Variants in JAZF1 observed in about 807,000 individuals in gnomAD.
JAZF1 encodes the protein juxtaposed with another zinc finger protein 1.
JAZF1 carries 8 observed loss-of-function variants against 26.4 expected under a neutral mutation model. The ratio of observed to expected loss-of-function variants is 0.30; its 90% confidence interval spans 0.18 to 0.55. The LOEUF is 0.55. Ranked by LOEUF, JAZF1 falls within the 20% of genes least tolerant of loss-of-function variation. The pLI is 0.94. For synonymous variants in JAZF1, 126 were observed against 122.3 expected (o/e 1.03, Z -0.20); for missense variants, 199 against 322.0 (o/e 0.62, Z 2.92).
intron 2 of JAZF1, among the ~76,000 whole-genome samples, chr7:27,902,104 G>A (rs780075058): frequency 3.3e-5 from 5 of 152,144 alleles, no homozygotes. Context: ...GCTACTTACA[G>A]ATTTTATTGT....
At chr7:28,123,344 C>A (rs1034530237) in intron 1 of JAZF1, among the ~76,000 whole-genome samples, 2 of 152,200 alleles carry the variant, frequency 1.3e-5, no homozygotes, top group African/African-American at 4.8e-5. Flanking sequence ...ACATTATTCA[C>A]CCTCACAGCA....
chr7:28,066,901 TA>T (rs1451933435), intron 1 of JAZF1, among the ~76,000 whole-genome samples: 1 of 152,164 alleles, frequency 6.6e-6, no homozygotes, highest in Non-Finnish European at 1.5e-5. Context: ...AAAAAAACCC[TA>T]CAAATGCATC....
intron 3 of JAZF1, among the ~76,000 whole-genome samples, chr7:27,870,287 C>T (rs1035115590): frequency 3.3e-5 from 5 of 151,882 alleles, no homozygotes; most frequent in African/African-American, 9.7e-5. Context: ...AGGTACTGGT[C>T]CTGCTGTGCC....
At chr7:28,094,407 T>C (rs934448266) in intron 1 of JAZF1, among the ~76,000 whole-genome samples, 27 of 152,282 alleles carry the variant, frequency 1.8e-4, no homozygotes, top group African/African-American at 6.3e-4. Flanking sequence ...CAGTCTCCTT[T>C]CCAGCCCCGG....
At chr7:28,049,372 C>T (rs1199811247) in intron 1 of JAZF1, among the ~76,000 whole-genome samples, 3 of 152,038 alleles carry the variant, frequency 2.0e-5, no homozygotes, top group South Asian at 4.2e-4. Context: ...GCGTGAGCCA[C>T]CGCGCCCGGC....
At chr7:27,903,476 T>C (rs1337989122) in intron 2 of JAZF1, among the ~76,000 whole-genome samples, 1 of 152,240 alleles carries the variant, frequency 6.6e-6, no homozygotes, top group East Asian at 1.9e-4. Flanking sequence ...ATTACAGGCG[T>C]GAGCCACTGT....
At chr7:28,028,234 G>T (rs1783125680) in intron 1 of JAZF1, among the ~76,000 whole-genome samples, 1 of 152,130 alleles carries the variant, frequency 6.6e-6, no homozygotes, top group Non-Finnish European at 1.5e-5. Context: ...GTATTTCATT[G>T]CTTGTTGCCA....
intron 2 of JAZF1, among the ~76,000 whole-genome samples, chr7:27,920,626 G>A (rs1451975102): frequency 6.6e-6 from 1 of 152,196 alleles, no homozygotes; most frequent in African/African-American, 2.4e-5. Flanking sequence ...GGGAGCATGT[G>A]AATAAGACCC....
intron 1 of JAZF1, among the ~76,000 whole-genome samples, chr7:28,070,228 T>C (rs1396591798): frequency 6.6e-6 from 1 of 152,204 alleles, no homozygotes; most frequent in East Asian, 1.9e-4. Context: ...AAATTTTTCT[T>C]TCTTCAAGAC....
chr7:28,180,770 G>C lies in JAZF1; in HGVS notation c.-193C>G. The C allele has an allele frequency of 3.0e-6, 1 of 329,836 alleles. No individual in the cohort carries two copies. The highest frequency in any genetic ancestry group is 4.2e-5 in the East Asian group (1 of 23,924). 20.4% of individuals were successfully genotyped at this position (329,836 alleles called of 1,614,324 possible). On this transcript the variant is annotated 5_prime_UTR_variant, in exon 1 of 5. Transcript: ENST00000283928. ...GAAGGAGAGCGAGGAGCCACCGGGA[G>C]GCAGAGGGGAGGCGGCGGCTGCGGC...
rs769073545 is a variant in JAZF1 at position 27,895,416 on chromosome 7, T to A, written c.189A>T (p.Arg63Ser). The A allele has an allele frequency of 6.3e-7, 1 of 1,591,702 alleles. No homozygotes were observed. Residue 63 changes from arginine (R) to serine (S), a missense_variant and splice_region_variant, in exon 3 of 5, where the codon AGA (arginine) becomes AGT (serine). Arg to Ser is a moderately radical substitution (Grantham distance 110). Transcript: ENST00000283928. The stretch of plus-strand genomic sequence containing the variant: ...CTCGGCGGGCAGCATCTGTCATGAA[T>A]CTGAAACAATAATGGAAGGTAAGGA... ...PTYVALSYINRFMTDAARREQ... is the reference protein window; with the variant it reads ...PTYVALSYINSFMTDAARREQ...
At chr7:28,161,122 A>G (rs1272201217) in intron 1 of JAZF1, among the ~76,000 whole-genome samples, 3 of 152,142 alleles carry the variant, frequency 2.0e-5, no homozygotes, top group African/African-American at 7.2e-5. Flanking sequence ...CACCCCATAG[A>G]TGAATTAATT....
intron 1 of JAZF1, among the ~76,000 whole-genome samples, chr7:28,168,859 C>T (rs942477780): frequency 6.6e-6 from 1 of 152,192 alleles, no homozygotes; most frequent in Non-Finnish European, 1.5e-5. Flanking sequence ...ATTAGTGTAA[C>T]CCAATGAGTT....
intron 1 of JAZF1, among the ~76,000 whole-genome samples, chr7:28,147,760 T>C (rs1196862275): frequency 6.7e-6 from 1 of 149,652 alleles, no homozygotes; most frequent in East Asian, 2.0e-4. Flanking sequence ...CACATACCTG[T>C]AGTGTCAGCT....
At chr7:27,948,429 A>G (rs1353551347) in intron 2 of JAZF1, among the ~76,000 whole-genome samples, 3 of 152,222 alleles carry the variant, frequency 2.0e-5, no homozygotes, top group African/African-American at 4.8e-5. Context: ...GAGAGACTGT[A>G]AAGTCCAAAT....
intron 1 of JAZF1, among the ~76,000 whole-genome samples, chr7:28,137,425 T>A (rs1782902157): frequency 6.6e-6 from 1 of 152,188 alleles, no homozygotes; most frequent in African/African-American, 2.4e-5. Flanking sequence ...CTAGTCACCC[T>A]TCACAACCCT....
intron 2 of JAZF1, among the ~76,000 whole-genome samples, chr7:27,927,617 G>A (rs773884504): frequency 1.3e-5 from 2 of 152,206 alleles, no homozygotes; most frequent in Middle Eastern, 3.4e-3. Context: ...TAAACTATAA[G>A]CCTTTGTGGG....
intron 2 of JAZF1, among the ~76,000 whole-genome samples, chr7:27,922,122 T>G (rs572101268): frequency 1.4e-4 from 21 of 152,168 alleles, no homozygotes; most frequent in Non-Finnish European, 2.8e-4. Flanking sequence ...ATATAAATCA[T>G]TACAGAAAGA....
At chr7:28,034,453 T>C (rs551816508) in intron 1 of JAZF1, among the ~76,000 whole-genome samples, 1 of 118,326 alleles carries the variant, frequency 8.5e-6, no homozygotes, top group African/African-American at 3.1e-5. Flanking sequence ...ATAATAAAAA[T>C]ATGAAAGAAA....
Sources: allele counts gnomAD v4.1 joint callset (sites outside exome capture counted in the v4.1 genomes callset), GRCh38; gene constraint gnomAD v4.1.1; transcripts MANE v1.5; gene names NCBI Gene and HGNC (gene_info 2026-07-23, HGNC 2026-07-21).